The following HS3ST4 variants were observed in gnomAD, a reference collection of about 807,000 sequenced individuals.
HS3ST4 encodes heparan sulfate-glucosamine 3-sulfotransferase 4, also known as heparan sulfate glucosamine 3-O-sulfotransferase 4.
Under a neutral mutation model 29.2 loss-of-function variants are expected in HS3ST4, and 17 were observed. That is an observed-to-expected ratio of 0.58 (90% CI 0.40 to 0.87). The LOEUF (loss-of-function observed/expected upper bound fraction) is 0.87. HS3ST4 is among the 40% of genes least tolerant of loss of function. The pLI is 0.00. For synonymous variants in HS3ST4, 314 were observed against 285.7 expected (o/e 1.10, Z -1.00); for missense variants, 627 against 634.5 (o/e 0.99, Z 0.13).
At position 26,028,236 on chromosome 16, in the gene HS3ST4, G is replaced by A. The variant is rs1466619273; in HGVS notation, c.735-107376G>A. 2.2e-5 allele frequency among the ~76,000 whole-genome samples: 3 copies of A among 133,890 alleles called. No homozygotes were observed. In the East Asian group the frequency reaches 6.9e-4, roughly 31 times the overall value. 87.8% of individuals were successfully genotyped at this position (133,890 alleles called of 152,430 possible). ...TGCAGTGAGCCAAGATGGCTCAGGT[G>A]CACTCTAGCCTGGGTGACAGAGTGA... On this transcript the variant is annotated intron_variant, in intron 1 of 1. Transcript: ENST00000331351.
At chr16:26,133,453 A>T (rs1596693480) in intron 1 of HS3ST4, among the ~76,000 whole-genome samples, 1 of 152,214 alleles carries the variant, frequency 6.6e-6, no homozygotes, top group Non-Finnish European at 1.5e-5. Context: ...AGACAAATTG[A>T]TCTGTTGAGA....
At chr16:25,942,409 C>T (rs1968580943) in intron 1 of HS3ST4, among the ~76,000 whole-genome samples, 1 of 152,118 alleles carries the variant, frequency 6.6e-6, no homozygotes, top group South Asian at 2.1e-4. Context: ...TCCTCTTTGA[C>T]AGCCGTAGAG....
chr16:25,904,151 GATGAATGGATGA>G (rs1299872484), intron 1 of HS3ST4, among the ~76,000 whole-genome samples: 1 of 65,228 alleles, frequency 1.5e-5, no homozygotes, highest in African/African-American at 6.9e-5. Flanking sequence ...TGGATGGATG[GATGAATGGATGA>G]ATGGATGGAT....
chr16:26,077,848 A>T (rs1266565231), intron 1 of HS3ST4, among the ~76,000 whole-genome samples: 1 of 152,218 alleles, frequency 6.6e-6, no homozygotes, highest in Non-Finnish European at 1.5e-5. Context: ...AAGCAGGAGG[A>T]TTGCTTGAGG....
intron 1 of HS3ST4, among the ~76,000 whole-genome samples, chr16:25,903,133 A>G (rs1434035712): frequency 6.6e-6 from 1 of 151,864 alleles, no homozygotes; most frequent in East Asian, 1.9e-4. Flanking sequence ...TGGAGTCTAC[A>G]GCATCTTACC....
At chr16:26,134,587 C>G (rs1041730323) in intron 1 of HS3ST4, among the ~76,000 whole-genome samples, 1 of 152,032 alleles carries the variant, frequency 6.6e-6, no homozygotes, top group East Asian at 1.9e-4. Flanking sequence ...GTCTTGAACT[C>G]CTGACCTTGT....
intron 1 of HS3ST4, among the ~76,000 whole-genome samples, chr16:26,074,995 C>A (rs1898644813): frequency 6.6e-6 from 1 of 152,136 alleles, no homozygotes; most frequent in African/African-American, 2.4e-5. Flanking sequence ...GAGATCGAGG[C>A]CAGCCTGGCT....
At chr16:25,791,599 G>A (rs1966869353) in intron 1 of HS3ST4, among the ~76,000 whole-genome samples, 1 of 151,922 alleles carries the variant, frequency 6.6e-6, no homozygotes, top group African/African-American at 2.4e-5. Context: ...ATAATATTTT[G>A]TAGACTTTTG....
intron 1 of HS3ST4, among the ~76,000 whole-genome samples, chr16:25,963,572 A>G (rs531017341): frequency 3.3e-5 from 5 of 152,240 alleles, no homozygotes; most frequent in African/African-American, 4.8e-5. Flanking sequence ...CCTCGACAGA[A>G]CAAATATCTT....
intron 1 of HS3ST4, among the ~76,000 whole-genome samples, chr16:25,927,684 G>A (rs532079754): frequency 3.3e-5 from 5 of 151,534 alleles, no homozygotes; most frequent in African/African-American, 9.7e-5. Flanking sequence ...GCCCCAGCTC[G>A]CTGTTTTTCT....
chr16:25,694,225 CA>C, intron 1 of HS3ST4, among the ~76,000 whole-genome samples: 1 of 152,326 alleles, frequency 6.6e-6, no homozygotes, highest in East Asian at 1.9e-4. Flanking sequence ...TAGGTAAAAT[CA>C]AGATTGTTTC....
chr16:25,885,129 G>C (rs1967936941), intron 1 of HS3ST4, among the ~76,000 whole-genome samples: 1 of 152,166 alleles, frequency 6.6e-6, no homozygotes, highest in Non-Finnish European at 1.5e-5. Context: ...AGGAAGGTCT[G>C]GCTGGTTTGC....
chr16:25,810,909 G>T (rs76687151), intron 1 of HS3ST4, among the ~76,000 whole-genome samples: 3,481 of 152,078 alleles, frequency 0.023, 137 homozygotes, highest in African/African-American at 0.079. Context: ...CAAAACTCAG[G>T]AGAAAAAAAA....
chr16:25,703,073 C>A (rs542642133), intron 1 of HS3ST4, among the ~76,000 whole-genome samples: 1 of 152,058 alleles, frequency 6.6e-6, no homozygotes, highest in Non-Finnish European at 1.5e-5. Flanking sequence ...GCAGGAGAAT[C>A]GCCTGAACCC....
At chr16:26,047,667 C>A (rs903553540) in intron 1 of HS3ST4, among the ~76,000 whole-genome samples, 19 of 152,192 alleles carry the variant, frequency 1.2e-4, no homozygotes, top group Non-Finnish European at 2.2e-4. Flanking sequence ...GCCCTGTTTT[C>A]TCAGCTATTA....
chr16:26,133,758 AAATTT>A (rs1323286231), intron 1 of HS3ST4, among the ~76,000 whole-genome samples: 1 of 152,234 alleles, frequency 6.6e-6, no homozygotes, highest in Admixed American at 6.5e-5. Flanking sequence ...GATAGTAAAT[AAATTT>A]AATTATGGTA....
intron 1 of HS3ST4, among the ~76,000 whole-genome samples, chr16:26,110,144 G>T (rs181495469): frequency 1.9e-4 from 29 of 152,140 alleles, no homozygotes; most frequent in Non-Finnish European, 3.5e-4. Flanking sequence ...AGATCATGAG[G>T]TATTTGTCTT....
At chr16:25,826,582 C>A (rs1445428723) in intron 1 of HS3ST4, among the ~76,000 whole-genome samples, 2 of 151,892 alleles carry the variant, frequency 1.3e-5, no homozygotes, top group South Asian at 4.2e-4. Flanking sequence ...AAAATAAGAA[C>A]CATGGACCAA....
chr16:25,741,885 C>A (rs946954855), intron 1 of HS3ST4, among the ~76,000 whole-genome samples: 8 of 152,138 alleles, frequency 5.3e-5, no homozygotes, highest in Non-Finnish European at 7.4e-5. Context: ...TCTGGCCCTC[C>A]AAACCCACAT....
Sources: gnomAD v4.1 joint callset for allele counts (sites outside exome capture counted in the v4.1 genomes callset) on GRCh38, gnomAD v4.1.1 for gene constraint, MANE v1.5 for transcripts, NCBI Gene and HGNC (gene_info 2026-07-23, HGNC 2026-07-21) for gene names.